The following PPP4R3B variants were observed in gnomAD, a reference collection of about 807,000 sequenced individuals.
PPP4R3B encodes serine/threonine-protein phosphatase 4 regulatory subunit 3B.
In PPP4R3B, 52 loss-of-function variants were observed where a neutral mutation model predicts 95.4. The observed-to-expected ratio is 0.54, with a 90% confidence interval of 0.44 to 0.69. PPP4R3B has a LOEUF of 0.69. PPP4R3B is among the 30% of genes least tolerant of loss of function. The probability of loss-of-function intolerance (pLI) is 0.00; values close to 1 mark genes in which losing one functional copy is unlikely to be tolerated. For synonymous variants in PPP4R3B, 407 were observed against 343.9 expected (o/e 1.18, Z -2.03); for missense variants, 1,003 against 1,005.9 (o/e 1.00, Z 0.04).
intron 9 of PPP4R3B, among the ~76,000 whole-genome samples, chr2:55,579,203 A>G (rs1450233146): frequency 6.6e-6 from 1 of 152,110 alleles, no homozygotes; most frequent in African/African-American, 2.4e-5. Flanking sequence ...TGGAAATGCA[A>G]TTTTAAAAAT....
Position 55,550,010 on chromosome 2 carries a change from T to G in PPP4R3B, c.2455-4A>C, listed in dbSNP as rs775867706. 1 of 1,590,032 alleles carries G rather than the reference T, an allele frequency of 6.3e-7. No homozygotes were observed. The highest frequency in any genetic ancestry group is 1.4e-5 in the African/African-American group (1 of 73,168). ...CCACTAAGCCAACCAAACTTCCCTA[T>G]TGAAGAATTTAAAAATTTTTTCTTT... On this transcript the variant is annotated splice_region_variant and splice_polypyrimidine_tract_variant and intron_variant, in intron 16 of 16. Transcript: ENST00000616407.
At chr2:55,591,448 T>C (rs1267032283) in intron 4 of PPP4R3B, 5 of 904,240 alleles carry the variant, frequency 5.5e-6, no homozygotes, top group African/African-American at 3.6e-5. Context: ...CAGCCTACTT[T>C]TTCCAAATAC....
rs1362331552 is a variant in PPP4R3B, at chr2:55,574,550, TA to T, written c.1607-774del. Among the ~76,000 whole-genome samples, 4 of 152,102 alleles carry T rather than the reference TA, an allele frequency of 2.6e-5. No individual in the cohort carries two copies. In the South Asian group the frequency reaches 8.3e-4, roughly 32 times the overall value. Reference sequence around the variant, plus strand: ...TAGAAAAGACATTTTAAGAAAAGGATATTTTTGGCTGTTTGAATATCAAGTA... The same window carrying T: ...TAGAAAAGACATTTTAAGAAAAGGATTTTTTGGCTGTTTGAATATCAAGTA... On this transcript the variant is annotated intron_variant, in intron 11 of 16. Transcript: ENST00000616407.
rs1335708527 is a variant in PPP4R3B at position 55,549,605 on chromosome 2, T to TC, written c.*305dup. The TC allele has an allele frequency of 3.4e-6, 1 of 290,226 alleles. No homozygotes were observed. The highest frequency in any genetic ancestry group is 6.4e-6 in the Non-Finnish European group (1 of 156,406). 18.0% of individuals were successfully genotyped at this position (290,226 alleles called of 1,614,324 possible). A position where few individuals can be genotyped will look rare whatever the true frequency, so the allele number is the denominator to read the frequency against. Reference sequence around the variant, plus strand: ...ACCCTGCATTATTATATCAACCTTTTCCCCTCCCCTAAACCGTCCCCAAAC... The same window carrying TC: ...ACCCTGCATTATTATATCAACCTTTTCCCCCTCCCCTAAACCGTCCCCAAAC... On this transcript the variant is annotated 3_prime_UTR_variant, in exon 17 of 17. Transcript: ENST00000616407.
At chr2:55,581,762 A>G in intron 7 of PPP4R3B, 64 bp from the exon 8 acceptor site, 1 of 1,535,546 alleles carries the variant, frequency 6.5e-7, no homozygotes. Context: ...TCTAAGACAA[A>G]AACACCAACT....
intron 15 of PPP4R3B, among the ~76,000 whole-genome samples, chr2:55,561,782 C>T (rs1686663655): frequency 6.6e-6 from 1 of 152,212 alleles, no homozygotes; most frequent in African/African-American, 2.4e-5. Flanking sequence ...GTCTGTACCC[C>T]CGTTGTATCT....
At chr2:55,597,251 C>A (rs1277468517) in intron 4 of PPP4R3B, among the ~76,000 whole-genome samples, 3 of 152,204 alleles carry the variant, frequency 2.0e-5, no homozygotes, top group East Asian at 3.9e-4. Context: ...CTTTGGGAGG[C>A]CGGGGCAGGT....
chr2:55,617,211 C>G lies in PPP4R3B; in HGVS notation c.75G>C (p.Gly25=), dbSNP rs1356906157. The G allele has an allele frequency of 6.2e-7, 1 of 1,614,034 alleles. No individual in the cohort carries two copies. Among genetic ancestry groups the G allele is most frequent in the South Asian group, 1.1e-5 (1 of 91,082 alleles). ...EDRQWDDRGT[G]HVSSTYVEEL... ...CCTCCACGTAAGTGGAGGAGACGTG[C>G]CCGGTGCCTCGGTCGTCCCATTGCC... Residue 25 remains glycine, a synonymous_variant, in exon 1 of 17, where the codon GGG becomes GGC. Transcript: ENST00000616407.
intron 16 of PPP4R3B, among the ~76,000 whole-genome samples, chr2:55,555,322 TC>T (rs1222345374): frequency 6.6e-6 from 1 of 150,688 alleles, no homozygotes; most frequent in Non-Finnish European, 1.5e-5. Context: ...GAGTATTCTT[TC>T]CCCCATCAAA....
intron 16 of PPP4R3B, among the ~76,000 whole-genome samples, chr2:55,552,608 G>C (rs560698567): frequency 6.6e-6 from 1 of 152,120 alleles, no homozygotes; most frequent in Non-Finnish European, 1.5e-5. Context: ...TGGCCAGGCT[G>C]GCCTTGAACT....
chr2:55,595,392 G>C (rs916910681), intron 4 of PPP4R3B, among the ~76,000 whole-genome samples: 10 of 152,018 alleles, frequency 6.6e-5, no homozygotes. Context: ...CACTTTGGGA[G>C]GGTGAGGAGC....
intron 16 of PPP4R3B, among the ~76,000 whole-genome samples, chr2:55,553,284 C>T (rs1044284002): frequency 6.6e-6 from 1 of 152,128 alleles, no homozygotes; most frequent in Non-Finnish European, 1.5e-5. Context: ...TGTAGGCACT[C>T]AGAACACTAA....
chr2:55,600,662 G>A (rs372836166), intron 3 of PPP4R3B, among the ~76,000 whole-genome samples: 42 of 152,064 alleles, frequency 2.8e-4, no homozygotes, highest in Middle Eastern at 6.8e-3. Flanking sequence ...AGAGTGCTGC[G>A]TTGTACAGTA....
Position 55,552,398 on chromosome 2 carries a change from AATAT to A in PPP4R3B, c.2455-2396_2455-2393del, listed in dbSNP as rs528341447. 9.9e-5 allele frequency among the ~76,000 whole-genome samples: 15 copies of A among 152,132 alleles called. No individual in the cohort carries two copies. The South Asian group carries it at 3.1e-3, about 32-fold the overall frequency. Reference sequence around the variant, plus strand: ...TTAAACCCTTGCATTCCATGGTATGAATATATATATATTTTTTAAGAGTCTTGCT... The same window carrying A: ...TTAAACCCTTGCATTCCATGGTATGAATATATATTTTTTAAGAGTCTTGCT... On this transcript the variant is annotated intron_variant, in intron 16 of 16. Coordinates refer to ENST00000616407, the MANE Select transcript of PPP4R3B (RefSeq NM_001122964.3).
At chr2:55,601,416 T>C (rs1425933944) in intron 3 of PPP4R3B, among the ~76,000 whole-genome samples, 1 of 151,728 alleles carries the variant, frequency 6.6e-6, no homozygotes, top group Non-Finnish European at 1.5e-5. Context: ...AGTCTCGCTC[T>C]GTAGCCCAGG....
intron 16 of PPP4R3B, among the ~76,000 whole-genome samples, chr2:55,554,513 A>T (rs1203695804): frequency 2.0e-5 from 3 of 152,240 alleles, no homozygotes; most frequent in Non-Finnish European, 4.4e-5. Flanking sequence ...ATGATGCTAA[A>T]CATCTTTCCA....
rs975605596 is a variant in PPP4R3B, at chr2:55,616,930, C to T, written c.142+214G>A. On this transcript the variant is annotated intron_variant, in intron 1 of 16. Transcript: ENST00000616407. The stretch of plus-strand genomic sequence containing the variant: ...GGACTGGAAAGGAAGGAGTCCAATC[C>T]TTAAGAGAGATGGGAGAAGGACAGA... Among the ~76,000 whole-genome samples, 142 of 152,074 alleles carry T rather than the reference C, an allele frequency of 9.3e-4. 7 individuals carry two copies. The highest frequency in any genetic ancestry group is 5.9e-5 in the Non-Finnish European group (4 of 68,020).
At chr2:55,614,807 A>G (rs1299791964) in intron 2 of PPP4R3B, 2 of 152,208 alleles carry the variant, frequency 1.3e-5, no homozygotes, top group Non-Finnish European at 2.9e-5. Flanking sequence ...CAATTTTAAT[A>G]TATTTCATAA....
At chr2:55,552,449 A>G (rs1415946581) in intron 16 of PPP4R3B, among the ~76,000 whole-genome samples, 3 of 152,204 alleles carry the variant, frequency 2.0e-5, no homozygotes, top group African/African-American at 4.8e-5. Context: ...GCTAGAGTAC[A>G]GTTGTGTGAT....
Sources: allele counts gnomAD v4.1 joint callset (sites outside exome capture counted in the v4.1 genomes callset), GRCh38; gene constraint gnomAD v4.1.1; transcripts MANE v1.5; gene names NCBI Gene and HGNC (gene_info 2026-07-23, HGNC 2026-07-21).